The following GFOD2 variants were observed in gnomAD, a reference collection of about 807,000 sequenced individuals.
GFOD2 encodes the protein glucose-fructose oxidoreductase domain-containing protein 2.
In GFOD2, 9 loss-of-function variants were observed where a neutral mutation model predicts 24.6. The ratio of observed to expected loss-of-function variants is 0.37; its 90% CI spans 0.22 to 0.64. The LOEUF (loss-of-function observed/expected upper bound fraction) is 0.64. Ranked by LOEUF, GFOD2 falls within the 30% of genes least tolerant of loss-of-function variation. GFOD2 has a pLI of 0.65. For missense variants in GFOD2, 476 were observed against 532.5 expected (o/e 0.89, Z 1.04); for synonymous variants, 211 against 224.8 (o/e 0.94, Z 0.55).
chr16:67,689,602 C>A (rs961255930), intron 1 of GFOD2, among the ~76,000 whole-genome samples: 1 of 151,778 alleles, frequency 6.6e-6, no homozygotes, highest in Non-Finnish European at 1.5e-5. Context: ...ACCCGGGAGG[C>A]GGAGGTTGCA....
intron 2 of GFOD2, chr16:67,683,441 G>A: frequency 6.5e-6 from 8 of 1,230,450 alleles, no homozygotes; most frequent in Non-Finnish European, 8.1e-6. Context: ...ATAGCGGCTT[G>A]CTTCCCCTTG....
chr16:67,679,349 C>A lies in GFOD2; in HGVS notation c.260-3296G>T, dbSNP rs1597790428. ...CTGGGTTCAAGTGACTTTCCTGCCT[C>A]AGCCTCCTGAGCTAGCTGGGATTAC... On this transcript the variant is annotated intron_variant, in intron 2 of 2. Coordinates refer to ENST00000268797, the MANE Select transcript of GFOD2 (RefSeq NM_030819.4). 2.0e-5 allele frequency among the ~76,000 whole-genome samples: 3 copies of A among 151,532 alleles called. 1 individual carries two copies. In the East Asian group the frequency reaches 5.9e-4, roughly 30 times the overall value.
In GFOD2 at chr16:67,676,068, C is replaced by T; in HGVS notation, c.260-15G>A. On this transcript the variant is annotated splice_polypyrimidine_tract_variant and intron_variant, in intron 2 of 2. Coordinates refer to ENST00000268797, the MANE Select transcript of GFOD2 (RefSeq NM_030819.4). ...CTTCCCAATACCTAACAACAGGACA[C>T]AACAGGAAATCTCAAAGTTTCAAGG... The T allele has an allele frequency of 6.4e-7, 1 of 1,573,868 alleles. No individual in the cohort carries two copies. The highest frequency in any genetic ancestry group is 8.7e-7 in the Non-Finnish European group (1 of 1,155,684).
chr16:67,681,831 A>G, intron 2 of GFOD2: 2 of 985,298 alleles, frequency 2.0e-6, no homozygotes, highest in Non-Finnish European at 1.2e-6. Flanking sequence ...CATGAAAGAC[A>G]TGTCTACCTG....
chr16:67,695,354 T>C (rs1298992762), intron 1 of GFOD2, among the ~76,000 whole-genome samples: 1 of 152,098 alleles, frequency 6.6e-6, no homozygotes, highest in Non-Finnish European at 1.5e-5. Flanking sequence ...CTACTAGTTT[T>C]CTTAGAAAAC....
intron 2 of GFOD2, 131 bp from the exon 3 acceptor site, chr16:67,676,184 G>C: frequency 1.1e-6 from 1 of 877,308 alleles, no homozygotes; most frequent in Non-Finnish European, 1.7e-6. Context: ...TTTTTGTAGA[G>C]GTGGGGTCTT....
chr16:67,682,300 T>C, intron 2 of GFOD2: 1 of 959,120 alleles, frequency 1.0e-6, no homozygotes, highest in Non-Finnish European at 1.2e-6. Flanking sequence ...CCTCCCAAAG[T>C]GCTGGGATTA....
intron 2 of GFOD2, chr16:67,683,106 G>A (rs566848733): frequency 5.6e-5 from 35 of 621,210 alleles, no homozygotes; most frequent in Middle Eastern, 8.3e-4. Flanking sequence ...GACCACAGTC[G>A]CGTGCCACCA....
chr16:67,685,831 T>C (rs2142993833), intron 1 of GFOD2, 29 bp from the exon 2 acceptor site: 1 of 1,262,868 alleles, frequency 7.9e-7, no homozygotes, highest in African/African-American at 1.5e-5. Context: ...CACTGGTTAT[T>C]ACTGGAGAGG....
At chr16:67,708,185 T>C (rs2053451033) in intron 1 of GFOD2, among the ~76,000 whole-genome samples, 1 of 152,216 alleles carries the variant, frequency 6.6e-6, no homozygotes, top group Admixed American at 6.5e-5. Flanking sequence ...TCACCTTAAG[T>C]AGTTGTGCCC....
rs189506906 is a variant in GFOD2 at position 67,689,100 on chromosome 16, C to A, written c.-87-3298G>T. 6.0e-5 allele frequency among the ~76,000 whole-genome samples: 9 copies of A among 150,190 alleles called. No homozygotes were observed. In the South Asian group the frequency reaches 1.7e-3, roughly 28 times the overall value. On this transcript the variant is annotated intron_variant, in intron 1 of 2. Coordinates refer to ENST00000268797, the MANE Select transcript of GFOD2 (RefSeq NM_030819.4). ...TGTTGCCCAGGCTGGAGTGCAGTGGCGCAATCTCAGCTTACTGCAACCTCC... is the reference window on the plus strand; with the variant it reads ...TGTTGCCCAGGCTGGAGTGCAGTGGAGCAATCTCAGCTTACTGCAACCTCC...
intron 1 of GFOD2, among the ~76,000 whole-genome samples, chr16:67,714,498 C>T (rs941213550): frequency 5.4e-5 from 8 of 147,458 alleles, no homozygotes; most frequent in African/African-American, 2.0e-4. Flanking sequence ...AAAAAAATTA[C>T]GATCCAGAAA....
chr16:67,704,889 C>G (rs2053428920), intron 1 of GFOD2, among the ~76,000 whole-genome samples: 1 of 152,234 alleles, frequency 6.6e-6, no homozygotes, highest in African/African-American at 2.4e-5. Flanking sequence ...TCAAACATCA[C>G]AGACATTGTG....
chr16:67,711,256 A>C (rs186152180), intron 1 of GFOD2, among the ~76,000 whole-genome samples: 20 of 152,314 alleles, frequency 1.3e-4, no homozygotes, highest in Non-Finnish European at 2.5e-4. Context: ...AATACAATTA[A>C]ATCCAGTGGT....
At chr16:67,685,287 C>A in intron 2 of GFOD2, 170 bp downstream of exon 2, 1 of 1,448,704 alleles carries the variant, frequency 6.9e-7, no homozygotes. Context: ...TAGGCTATGT[C>A]TTTTTTCATG....
intron 2 of GFOD2, 38 bp from the exon 3 acceptor site, chr16:67,676,091 A>AG: frequency 6.5e-7 from 1 of 1,533,898 alleles, no homozygotes. Flanking sequence ...CAAAGTTTCA[A>AG]GGGGGAATCT....
At chr16:67,701,194 T>G (rs531459446) in intron 1 of GFOD2, among the ~76,000 whole-genome samples, 1 of 152,332 alleles carries the variant, frequency 6.6e-6, no homozygotes, top group East Asian at 1.9e-4. Flanking sequence ...TGGAAAAGTT[T>G]GCCATCTTAT....
At chr16:67,685,838 G>A in intron 1 of GFOD2, 36 bp from the exon 2 acceptor site, 1 of 1,211,316 alleles carries the variant, frequency 8.3e-7, no homozygotes, top group Non-Finnish European at 1.1e-6. Context: ...TATTACTGGA[G>A]AGGACACTCA....
At chr16:67,697,415 A>G (rs924023493) in intron 1 of GFOD2, among the ~76,000 whole-genome samples, 2 of 152,232 alleles carry the variant, frequency 1.3e-5, no homozygotes, top group Admixed American at 1.3e-4. Flanking sequence ...AAAGTTGAGT[A>G]GAAATATGAG....
Sources: gnomAD v4.1 joint callset for allele counts (sites outside exome capture counted in the v4.1 genomes callset) on GRCh38, gnomAD v4.1.1 for gene constraint, MANE v1.5 for transcripts, NCBI Gene and HGNC (gene_info 2026-07-23, HGNC 2026-07-21) for gene names.